Variants in USP32 observed in about 807,000 individuals in gnomAD.
The protein encoded by USP32 is ubiquitin specific peptidase 32, also known as ubiquitin carboxyl-terminal hydrolase 32.
Under a neutral mutation model 204.8 loss-of-function variants are expected in USP32, and 59 were observed. That is an observed-to-expected ratio of 0.29 (90% CI 0.23 to 0.36). The LOEUF (loss-of-function observed/expected upper bound fraction) is 0.36. USP32 is among the 10% of genes least tolerant of loss of function. USP32 has a pLI of 1.00. For missense variants in USP32, 1,160 were observed against 1,946.4 expected (o/e 0.60, Z 7.60); for synonymous variants, 517 against 678.4 (o/e 0.76, Z 3.70).
intron 1 of USP32, 101 bp downstream of exon 1, chr17:60,391,781 G>T (rs2089839135): frequency 2.3e-6 from 3 of 1,305,712 alleles, no homozygotes; most frequent in Non-Finnish European, 3.1e-6. Flanking sequence ...CGCCTCAGGC[G>T]CCCCACGCCC....
intron 1 of USP32, among the ~76,000 whole-genome samples, chr17:60,406,607 C>A (rs2089978072): frequency 6.6e-6 from 1 of 151,962 alleles, no homozygotes. Flanking sequence ...TCTCCACCTC[C>A]CAGGTTCAAG....
At chr17:60,392,726 G>A, upstream of USP32, 1 of 407,814 alleles carries the variant, frequency 2.5e-6, no homozygotes, top group South Asian at 1.7e-5. Context: ...AGGCTTTCCT[G>A]TGACAAAAGA....
chr17:60,179,733 C>T (rs1203439235), intron 33 of USP32, among the ~76,000 whole-genome samples: 2 of 152,166 alleles, frequency 1.3e-5, no homozygotes, highest in African/African-American at 2.4e-5. Flanking sequence ...TGCACTGGTG[C>T]GATCTCAGCT....
At chr17:60,237,304 AT>A (rs34988306) in intron 11 of USP32, among the ~76,000 whole-genome samples, 25,990 of 130,984 alleles carry the variant, frequency 0.2, 6,026 homozygotes, top group African/African-American at 0.57. Flanking sequence ...TGCCCAGCTA[AT>A]TTTTTTTTTT....
chr17:60,388,930 GC>G (rs1403606586), intron 1 of USP32, among the ~76,000 whole-genome samples: 1 of 152,092 alleles, frequency 6.6e-6, no homozygotes, highest in African/African-American at 2.4e-5. Context: ...CCAAGGCCCC[GC>G]TTTGCAAGAT....
chr17:60,383,206 T>C (rs7221049), intron 1 of USP32, among the ~76,000 whole-genome samples: 6,576 of 139,648 alleles, frequency 0.047, 515 homozygotes, highest in African/African-American at 0.17. Context: ...AAGGTCGCAC[T>C]CCAGCCTGGG....
intron 1 of USP32, among the ~76,000 whole-genome samples, chr17:60,373,334 A>C (rs1264533669): frequency 1.3e-5 from 2 of 152,176 alleles, no homozygotes; most frequent in Non-Finnish European, 2.9e-5. Flanking sequence ...TCCTAGCCCT[A>C]GGACATTACC....
At chr17:60,404,773 T>C (rs559849592) in intron 1 of USP32, among the ~76,000 whole-genome samples, 4 of 152,284 alleles carry the variant, frequency 2.6e-5, no homozygotes, top group African/African-American at 9.6e-5. Context: ...AACAACCTTC[T>C]CATCTTTCCT....
At chr17:60,374,430 T>C (rs1446866723) in intron 1 of USP32, among the ~76,000 whole-genome samples, 2 of 151,570 alleles carry the variant, frequency 1.3e-5, no homozygotes, top group East Asian at 3.9e-4. Context: ...AGTCTTACTC[T>C]GTCTCCCAGG....
At chr17:60,348,250 G>A (rs548511668) in intron 1 of USP32, among the ~76,000 whole-genome samples, 1 of 152,264 alleles carries the variant, frequency 6.6e-6, no homozygotes, top group Non-Finnish European at 1.5e-5. Flanking sequence ...AGGTTGATAG[G>A]AGTCATCAGT....
At chr17:60,397,978 C>T (rs1019957518) in intron 1 of USP32, among the ~76,000 whole-genome samples, 18 of 152,014 alleles carry the variant, frequency 1.2e-4, no homozygotes, top group Admixed American at 1.2e-3. Flanking sequence ...AACTTTTTCA[C>T]ATGGTGGTAC....
rs1567809335 is a variant in USP32 at position 60,259,381 on chromosome 17, T to TA, written c.991-4124dup. ...CAATTCACGTAACAATGCTGTGATG[T>TA]AAAAAAACAAAAAAATGAAAAAATT... On this transcript the variant is annotated intron_variant, in intron 9 of 33. Coordinates refer to ENST00000300896, the MANE Select transcript of USP32 (RefSeq NM_032582.4). 2.0e-5 allele frequency among the ~76,000 whole-genome samples: 3 copies of TA among 152,184 alleles called. No homozygotes were observed. In the South Asian group the frequency reaches 6.2e-4, roughly 32 times the overall value.
intron 2 of USP32, among the ~76,000 whole-genome samples, chr17:60,318,966 T>C (rs967692492): frequency 3.3e-5 from 5 of 152,220 alleles, no homozygotes; most frequent in African/African-American, 1.2e-4. Context: ...TTGAAAACAT[T>C]ATGCTAAGTG....
chr17:60,380,188 T>C (rs2089622381), intron 1 of USP32, among the ~76,000 whole-genome samples: 2 of 152,260 alleles, frequency 1.3e-5, no homozygotes, highest in South Asian at 4.1e-4. Context: ...CATTGTACAA[T>C]ACAAAATTAT....
intron 13 of USP32, among the ~76,000 whole-genome samples, chr17:60,224,489 GAAAT>G (rs1473415697): frequency 6.6e-6 from 1 of 152,188 alleles, no homozygotes; most frequent in African/African-American, 2.4e-5. Context: ...CATCTTGGAA[GAAAT>G]AATAACACAC....
chr17:60,265,575 T>A, intron 8 of USP32, 101 bp from the exon 9 acceptor site: 1 of 808,048 alleles, frequency 1.2e-6, no homozygotes, highest in East Asian at 2.6e-5. Flanking sequence ...GTTTTGCTTT[T>A]CTTGTAGAGA....
intron 25 of USP32, 127 bp downstream of exon 25, chr17:60,206,894 G>C (rs2084842682): frequency 2.1e-6 from 3 of 1,445,574 alleles, no homozygotes; most frequent in Non-Finnish European, 2.8e-6. Flanking sequence ...AATCAGTAAG[G>C]TTTCCCTTGG....
chr17:60,242,749 T>C (rs1288421263), intron 11 of USP32, among the ~76,000 whole-genome samples: 1 of 152,180 alleles, frequency 6.6e-6, no homozygotes, highest in East Asian at 1.9e-4. Context: ...TACTGATCTC[T>C]ATGATTCTCC....
chr17:60,408,321 G>A (rs1326746998), intron 1 of USP32, among the ~76,000 whole-genome samples: 1 of 151,996 alleles, frequency 6.6e-6, no homozygotes, highest in East Asian at 1.9e-4. Flanking sequence ...GAACCAGATG[G>A]AACTTCTAGT....
Sources: gnomAD v4.1 joint callset for allele counts (sites outside exome capture counted in the v4.1 genomes callset) on GRCh38, gnomAD v4.1.1 for gene constraint, MANE v1.5 for transcripts, NCBI Gene and HGNC (gene_info 2026-07-23, HGNC 2026-07-21) for gene names.